Variants in CNTNAP2 observed in about 807,000 individuals in gnomAD.
CNTNAP2 encodes the protein contactin-associated protein-like 2.
CNTNAP2 carries 98 observed loss-of-function variants against 155.2 expected under a neutral mutation model. That is an observed-to-expected ratio of 0.63 (90% confidence interval 0.54 to 0.75). CNTNAP2 has a LOEUF of 0.75. Among genes scored for constraint, CNTNAP2 ranks in the 30% least tolerant of loss-of-function variants. The pLI is 0.00. For missense variants in CNTNAP2, 1,727 were observed against 1,688.1 expected (o/e 1.02, Z -0.40); for synonymous variants, 651 against 631.2 (o/e 1.03, Z -0.47).
chr7:148,151,425 C>A (rs1188255293), intron 17 of CNTNAP2, among the ~76,000 whole-genome samples: 1 of 152,108 alleles, frequency 6.6e-6, no homozygotes, highest in African/African-American at 2.4e-5. Context: ...CCTCTCTCGG[C>A]CTCCTGTGTA....
intron 11 of CNTNAP2, among the ~76,000 whole-genome samples, chr7:147,539,272 A>G (rs543775479): frequency 2.0e-5 from 3 of 152,280 alleles, no homozygotes; most frequent in Admixed American, 2.0e-4. Context: ...ACAGCACTCA[A>G]TAAGTACAAG....
At chr7:146,373,532 G>C (rs1204591789) in intron 1 of CNTNAP2, among the ~76,000 whole-genome samples, 1 of 151,690 alleles carries the variant, frequency 6.6e-6, no homozygotes, top group Non-Finnish European at 1.5e-5. Flanking sequence ...TTAGAAATAT[G>C]TTGAAAAAAA....
At chr7:148,295,931 G>A (rs963488011) in intron 21 of CNTNAP2, among the ~76,000 whole-genome samples, 5 of 152,112 alleles carry the variant, frequency 3.3e-5, no homozygotes, top group Non-Finnish European at 7.4e-5. Flanking sequence ...GCAAGAAGAG[G>A]CACTAAATGT....
At chr7:146,328,066 C>T (rs575160358) in intron 1 of CNTNAP2, among the ~76,000 whole-genome samples, 10 of 152,288 alleles carry the variant, frequency 6.6e-5, no homozygotes, top group East Asian at 1.9e-4. Flanking sequence ...CTGTTAGGGA[C>T]GTGGCTGCTC....
intron 10 of CNTNAP2, among the ~76,000 whole-genome samples, chr7:147,482,571 A>G (rs1798440123): frequency 6.6e-6 from 1 of 151,798 alleles, no homozygotes; most frequent in African/African-American, 2.4e-5. Context: ...ACAAAAAAAT[A>G]TTAGCCGGGC....
At chr7:146,863,910 G>A (rs1247017115) in intron 3 of CNTNAP2, among the ~76,000 whole-genome samples, 1 of 152,048 alleles carries the variant, frequency 6.6e-6, no homozygotes, top group East Asian at 1.9e-4. Flanking sequence ...TTTATCAAGT[G>A]CTTTTCAATA....
chr7:146,600,656 T>G (rs1798937207), intron 1 of CNTNAP2, among the ~76,000 whole-genome samples: 2 of 152,164 alleles, frequency 1.3e-5, no homozygotes, highest in African/African-American at 2.4e-5. Flanking sequence ...ATTCTGTACC[T>G]TTTTAGTACT....
chr7:146,958,262 T>C (rs1375440249), intron 3 of CNTNAP2, among the ~76,000 whole-genome samples: 1 of 152,178 alleles, frequency 6.6e-6, no homozygotes, highest in Non-Finnish European at 1.5e-5. Flanking sequence ...CCTATCCAGA[T>C]GGAGGAAGGC....
chr7:147,706,984 C>T (rs1186350381), intron 13 of CNTNAP2, among the ~76,000 whole-genome samples: 2 of 152,000 alleles, frequency 1.3e-5, no homozygotes, highest in East Asian at 3.9e-4. Context: ...TCTGTTTGGT[C>T]CTTTTCTGTG....
At chr7:146,982,716 A>G (rs117629541) in intron 3 of CNTNAP2, among the ~76,000 whole-genome samples, 2,516 of 152,074 alleles carry the variant, frequency 0.017, 37 homozygotes, top group Non-Finnish European at 0.024. Context: ...CTCTGATCAG[A>G]CTCAGTGTTT....
chr7:147,369,708 C>A (rs1444355330), intron 9 of CNTNAP2, among the ~76,000 whole-genome samples: 1 of 152,148 alleles, frequency 6.6e-6, no homozygotes, highest in East Asian at 1.9e-4. Context: ...TTATTTCTAA[C>A]AACAGATTGC....
At chr7:146,516,396 G>A (rs1797542233) in intron 1 of CNTNAP2, among the ~76,000 whole-genome samples, 1 of 151,910 alleles carries the variant, frequency 6.6e-6, no homozygotes, top group Non-Finnish European at 1.5e-5. Flanking sequence ...CCAATGGTCT[G>A]TTTTTGTTAA....
At chr7:147,000,810 G>A (rs1333049671) in intron 3 of CNTNAP2, among the ~76,000 whole-genome samples, 1 of 152,100 alleles carries the variant, frequency 6.6e-6, no homozygotes, top group African/African-American at 2.4e-5. Flanking sequence ...CATGACCTCT[G>A]AGGTCTGCCT....
At chr7:146,906,673 A>G (rs1056482712) in intron 3 of CNTNAP2, among the ~76,000 whole-genome samples, 1 of 152,186 alleles carries the variant, frequency 6.6e-6, no homozygotes, top group African/African-American at 2.4e-5. Flanking sequence ...ATCAAAGACC[A>G]AAAGTAGATA....
chr7:146,771,669 C>T (rs998241499), intron 1 of CNTNAP2, among the ~76,000 whole-genome samples: 1 of 152,094 alleles, frequency 6.6e-6, no homozygotes, highest in African/African-American at 2.4e-5. Flanking sequence ...AGCAATTTTA[C>T]AAATATTATA....
At chr7:146,355,966 CTT>C (rs1267970308) in intron 1 of CNTNAP2, among the ~76,000 whole-genome samples, 2 of 151,914 alleles carry the variant, frequency 1.3e-5, no homozygotes, top group Non-Finnish European at 2.9e-5. Flanking sequence ...TCTCCCCTGA[CTT>C]AACCAAATAT....
chr7:147,865,309 T>C (rs184199988), intron 13 of CNTNAP2, among the ~76,000 whole-genome samples: 45 of 152,350 alleles, frequency 3.0e-4, no homozygotes, highest in African/African-American at 9.9e-4. Flanking sequence ...CTTTTTGATA[T>C]GCTGCTGGAT....
At chr7:147,115,114 C>G (rs1038243469) in intron 5 of CNTNAP2, among the ~76,000 whole-genome samples, 4 of 152,182 alleles carry the variant, frequency 2.6e-5, no homozygotes, top group Admixed American at 2.0e-4. Flanking sequence ...AAATTCTTTT[C>G]TTTAAGAATA....
intron 1 of CNTNAP2, among the ~76,000 whole-genome samples, chr7:146,393,995 T>G (rs1280958101): frequency 6.6e-6 from 1 of 152,136 alleles, no homozygotes; most frequent in African/African-American, 2.4e-5. Flanking sequence ...AGTTGGCCAG[T>G]CAGCAACTAG....
Sources: allele counts gnomAD v4.1 joint callset (sites outside exome capture counted in the v4.1 genomes callset), GRCh38; gene constraint gnomAD v4.1.1; transcripts MANE v1.5; gene names NCBI Gene and HGNC (gene_info 2026-07-23, HGNC 2026-07-21).